RPS6KA2: variants seen among roughly 807,000 people sequenced by gnomAD.
The protein encoded by RPS6KA2 is ribosomal protein S6 kinase A2.
Under a neutral mutation model 91.8 loss-of-function variants are expected in RPS6KA2, and 42 were observed. That is an observed-to-expected ratio of 0.46 (90% CI 0.36 to 0.59). RPS6KA2 has a LOEUF of 0.59. Ranked by LOEUF, RPS6KA2 falls within the 20% of genes least tolerant of loss-of-function variation. The probability of loss-of-function intolerance (pLI) is 0.00; values close to 1 mark genes in which losing one functional copy is unlikely to be tolerated. For missense variants in RPS6KA2, 798 were observed against 978.5 expected, an observed-to-expected ratio of 0.82 and a Z score of 2.46; for synonymous variants, 414 against 393.6, an observed-to-expected ratio of 1.05 and a Z score of -0.61.
At chr6:166,713,626 GAACA>G (rs1789931263) in intron 2 of RPS6KA2, among the ~76,000 whole-genome samples, 1 of 152,158 alleles carries the variant, frequency 6.6e-6, no homozygotes, top group Non-Finnish European at 1.5e-5. Context: ...AACACATGAA[GAACA>G]AACACAGATG....
intron 17 of RPS6KA2, among the ~76,000 whole-genome samples, chr6:166,421,811 C>T (rs1319403637): frequency 3.3e-5 from 5 of 152,090 alleles, no homozygotes; most frequent in Admixed American, 6.5e-5. Flanking sequence ...ATGAGGAAAA[C>T]GTCATTTTCC....
intron 2 of RPS6KA2, among the ~76,000 whole-genome samples, chr6:166,762,807 C>T (rs373239880): frequency 6.6e-6 from 1 of 152,186 alleles, no homozygotes; most frequent in Non-Finnish European, 1.5e-5. Context: ...CTGAGCCTTG[C>T]ACCACGAGAT....
rs190702884 is a variant in RPS6KA2 at position 166,709,241 on chromosome 6, T to C, written c.123+148959A>G. On this transcript the variant is annotated intron_variant, in intron 2 of 21. Coordinates refer to the RPS6KA2 transcript ENST00000503859. ...GTGCTTGTCAAGCTGGGCACGCATG[T>C]AGAAAATCATTACTTTTATTAATGG... Among the ~76,000 whole-genome samples, 515 of 152,312 alleles carry C rather than the reference T, an allele frequency of 3.4e-3. 2 individuals are homozygous for C. The highest frequency in any genetic ancestry group is 5.1e-3 in the Non-Finnish European group (347 of 68,028).
At chr6:166,739,064 T>G (rs886186690) in intron 2 of RPS6KA2, among the ~76,000 whole-genome samples, 1 of 152,192 alleles carries the variant, frequency 6.6e-6, no homozygotes. Context: ...GAGTAATTCT[T>G]AAAGCCACAG....
intron 10 of RPS6KA2, among the ~76,000 whole-genome samples, chr6:166,479,417 C>T (rs973297549): frequency 2.0e-5 from 3 of 152,252 alleles, no homozygotes; most frequent in African/African-American, 4.8e-5. Flanking sequence ...TGTGGTCCTG[C>T]AATCTGCCAG....
chr6:166,576,780 C>T (rs1040155190), intron 1 of RPS6KA2, among the ~76,000 whole-genome samples: 12 of 152,158 alleles, frequency 7.9e-5, no homozygotes, highest in Non-Finnish European at 1.5e-4. Flanking sequence ...AAATTCAAGC[C>T]GGTTGAGGAA....
intron 1 of RPS6KA2, among the ~76,000 whole-genome samples, chr6:166,540,575 T>G (rs1450167433): frequency 6.6e-6 from 1 of 152,200 alleles, no homozygotes; most frequent in Non-Finnish European, 1.5e-5. Context: ...CATAATTACT[T>G]CTTGAATGAG....
chr6:166,693,825 A>G (rs549667977), intron 2 of RPS6KA2, among the ~76,000 whole-genome samples: 12 of 152,280 alleles, frequency 7.9e-5, no homozygotes, highest in South Asian at 2.1e-4. Context: ...GTAACTCATA[A>G]AAAACAAGTT....
rs116274835 is a variant in RPS6KA2, at chr6:166,467,658, C to T, written c.972+2183G>A. Among the ~76,000 whole-genome samples the T allele has an allele frequency of 5.4e-3, 816 of 152,296 alleles. 12 individuals are homozygous for T. The highest frequency in any genetic ancestry group is 0.019 in the African/African-American group (786 of 41,548). On this transcript the variant is annotated intron_variant, in intron 11 of 20. Transcript: ENST00000265678. ...TCCATGGAGGCATGGGAAGGAGGCTCCGTGAGGATGGGAGGGGTGAGGTGT... is the reference window on the plus strand; with the variant it reads ...TCCATGGAGGCATGGGAAGGAGGCTTCGTGAGGATGGGAGGGGTGAGGTGT...
intron 2 of RPS6KA2, among the ~76,000 whole-genome samples, chr6:166,843,163 C>T (rs1366204039): frequency 6.6e-6 from 1 of 152,100 alleles, no homozygotes; most frequent in African/African-American, 2.4e-5. Context: ...AGGCCCCCTG[C>T]GAACATAGCT....
intron 4 of RPS6KA2, among the ~76,000 whole-genome samples, chr6:166,509,009 C>T (rs999140481): frequency 6.6e-6 from 1 of 152,158 alleles, no homozygotes; most frequent in Non-Finnish European, 1.5e-5. Flanking sequence ...GGTGAGGCAC[C>T]GCGTGGCATC....
At chr6:166,820,538 C>T (rs951526451) in intron 2 of RPS6KA2, among the ~76,000 whole-genome samples, 19 of 152,090 alleles carry the variant, frequency 1.2e-4, no homozygotes, top group African/African-American at 4.6e-4. Flanking sequence ...GGTTAGAAAA[C>T]ATTTACATTC....
Position 166,559,672 on chromosome 6 carries a change from T to C in RPS6KA2, c.100-20888A>G, listed in dbSNP as rs1204795736. ...CGAATTGAGTAATATGGTCTGGCCT[T>C]AGAGTTTCACTGTCACCTTTGTTGA... On this transcript the variant is annotated intron_variant, in intron 1 of 20. Coordinates refer to ENST00000265678, the MANE Select transcript of RPS6KA2 (RefSeq NM_021135.6). Among the ~76,000 whole-genome samples the C allele has an allele frequency of 2.6e-5, 4 of 152,310 alleles. No homozygotes were observed. In the East Asian group the frequency reaches 5.8e-4, roughly 22 times the overall value.
intron 11 of RPS6KA2, among the ~76,000 whole-genome samples, chr6:166,468,302 A>C (rs1780615592): frequency 1.3e-5 from 2 of 152,208 alleles, no homozygotes; most frequent in African/African-American, 4.8e-5. Flanking sequence ...GATGTCCTGA[A>C]ACTTTACACT....
intron 2 of RPS6KA2, among the ~76,000 whole-genome samples, chr6:166,678,991 G>A (rs763067855): frequency 1.3e-4 from 20 of 152,240 alleles, no homozygotes; most frequent in Non-Finnish European, 2.2e-4. Context: ...AGATAAAACC[G>A]TATTTGTTTA....
At chr6:166,724,969 C>G (rs1790292061) in intron 2 of RPS6KA2, among the ~76,000 whole-genome samples, 1 of 152,168 alleles carries the variant, frequency 6.6e-6, no homozygotes, top group Admixed American at 6.5e-5. Flanking sequence ...TTGAAATGCT[C>G]TCTACTAACT....
intron 2 of RPS6KA2, among the ~76,000 whole-genome samples, chr6:166,734,336 T>C (rs6456116): frequency 6.6e-6 from 1 of 151,862 alleles, no homozygotes; most frequent in Non-Finnish European, 1.5e-5. Context: ...TAAGGGTTTA[T>C]ACTGACATGA....
chr6:166,465,477 TGA>T (rs1780482865), intron 11 of RPS6KA2: 1 of 152,326 alleles, frequency 6.6e-6, no homozygotes, highest in Non-Finnish European at 1.5e-5. Context: ...ACTTGACTCA[TGA>T]GAGAGGATCA....
rs1462930077 is a variant in RPS6KA2, at chr6:166,825,015, G to A, written c.123+33185C>T. ...TTGAAGCCATGAGCGGAGCACCCCA[G>A]GGAGCTGCCTTCCCGTCCGTCTTCT... On this transcript the variant is annotated intron_variant, in intron 2 of 21. Coordinates refer to the RPS6KA2 transcript ENST00000503859. This position sits in a 1 kb window ranked among gnomAD's most constrained non-coding sequence, Gnocchi z 4.1. Among the ~76,000 whole-genome samples the A allele has an allele frequency of 6.6e-6, 1 of 152,262 alleles. No homozygotes were observed. Among genetic ancestry groups the A allele is most frequent in the African/African-American group, 2.4e-5 (1 of 41,462 alleles).
Sources: gnomAD v4.1 joint callset for allele counts (sites outside exome capture counted in the v4.1 genomes callset) on GRCh38, gnomAD v4.1.1 for gene constraint, Gnocchi (gnomAD v3.1) non-coding constraint, MANE v1.5 for transcripts, NCBI Gene and HGNC (gene_info 2026-07-23, HGNC 2026-07-21) for gene names.